Variants in FBLN1 observed in about 807,000 individuals in gnomAD.
The protein encoded by FBLN1 is fibulin 1, also known as fibulin-1.
FBLN1 carries 34 observed loss-of-function variants against 89.7 expected under a neutral mutation model. That is an observed-to-expected ratio of 0.38 (90% CI 0.29 to 0.50). FBLN1 has a LOEUF of 0.50. FBLN1 is among the 20% of genes least tolerant of loss of function. FBLN1 has a pLI of 0.92. For synonymous variants in FBLN1, 393 were observed against 391.3 expected (o/e 1.00, Z -0.05); for missense variants, 777 against 988.1 (o/e 0.79, Z 2.86).
At chr22:45,504,095 GA>G (rs2087985762) in intron 1 of FBLN1, among the ~76,000 whole-genome samples, 1 of 152,092 alleles carries the variant, frequency 6.6e-6, no homozygotes, top group African/African-American at 2.4e-5. Context: ...CTCAGAATCC[GA>G]GTCTTAATCC....
At chr22:45,559,592 A>G (rs1260702569) in intron 14 of FBLN1, among the ~76,000 whole-genome samples, 1 of 152,150 alleles carries the variant, frequency 6.6e-6, no homozygotes. Flanking sequence ...GAAAATGACC[A>G]CAGGATGAGT....
At chr22:45,534,687 C>T (rs780978108) in intron 7 of FBLN1, among the ~76,000 whole-genome samples, 4 of 152,210 alleles carry the variant, frequency 2.6e-5, no homozygotes, top group Non-Finnish European at 5.9e-5. Context: ...GGTTTGGACC[C>T]CTAGAGCCCA....
chr22:45,525,483 A>G, intron 2 of FBLN1, 60 bp from the exon 3 acceptor site: 2 of 1,521,740 alleles, frequency 1.3e-6, no homozygotes, highest in East Asian at 4.9e-5. Context: ...ACCCCCGAGG[A>G]TCTCGTGCCC....
intron 1 of FBLN1, among the ~76,000 whole-genome samples, chr22:45,508,391 A>G (rs777895732): frequency 2.7e-5 from 4 of 150,282 alleles, no homozygotes; most frequent in Non-Finnish European, 5.9e-5. Flanking sequence ...CCTCCCAAGT[A>G]GCTGGGATTA....
chr22:45,583,175 G>A lies in FBLN1; in HGVS notation c.1972+6067G>A, dbSNP rs184505727. Among the ~76,000 whole-genome samples, 2 of 152,302 alleles carry A rather than the reference G, an allele frequency of 1.3e-5. No homozygotes were observed. The highest frequency in any genetic ancestry group is 2.9e-5 in the Non-Finnish European group (2 of 68,010). On this transcript the variant is annotated intron_variant, in intron 16 of 16. Coordinates refer to ENST00000327858, the MANE Select transcript of FBLN1 (RefSeq NM_006486.3). This position sits in a 1 kb window ranked among gnomAD's most constrained non-coding sequence, Gnocchi z 4.5. ...GTCCCACAGCCAGCAAGTTGGAGCT[G>A]CACTGCCCAAGCAGGTCCTTTAGTC...
rs775855202 is a variant in FBLN1, at chr22:45,550,564, T to A, written c.1646T>A (p.Phe549Tyr). The A allele has an allele frequency of 5.0e-6, 8 of 1,614,130 alleles. No individual in the cohort carries two copies. The highest frequency in any genetic ancestry group is 6.8e-6 in the Non-Finnish European group (8 of 1,180,046). ...NETCFNIQGGFRCLAFECPEN... is the reference protein window; with the variant it reads ...NETCFNIQGGYRCLAFECPEN... ...ACCTGCTTCAACATCCAGGGCGGCT[T>A]CCGCTGCCTGGCCTTCGAGTGCCCT... The change falls in exon 14 of 17, where the codon TTC becomes TAC. Residue 549 changes from phenylalanine to tyrosine, a missense_variant. Coordinates refer to ENST00000327858, the MANE Select transcript of FBLN1 (RefSeq NM_006486.3). This position sits in a 1 kb window ranked among gnomAD's most constrained non-coding sequence, Gnocchi z 8.4.
In FBLN1 at chr22:45,539,901, G is replaced by A. The variant is rs201704805; in HGVS notation, c.923-1328G>A. On this transcript the variant is annotated intron_variant, in intron 8 of 16. Transcript: ENST00000327858. ...CAGCGCCAGTGGGAAGGCAGCCACCGCTCTGCTAAACGCTGCATTTATTCG... is the reference window on the plus strand; with the variant it reads ...CAGCGCCAGTGGGAAGGCAGCCACCACTCTGCTAAACGCTGCATTTATTCG... Among the ~76,000 whole-genome samples the A allele has an allele frequency of 4.1e-4, 62 of 152,286 alleles. 1 individual carries two copies. The East Asian group carries it at 0.01, about 26-fold the overall frequency.
chr22:45,523,910 C>G (rs757482632), intron 2 of FBLN1, among the ~76,000 whole-genome samples: 1 of 152,220 alleles, frequency 6.6e-6, no homozygotes, highest in Admixed American at 6.5e-5. Flanking sequence ...GCAATGCACA[C>G]GGGTTCCAGC....
chr22:45,506,402 C>T (rs940970154), intron 1 of FBLN1, among the ~76,000 whole-genome samples: 1 of 152,218 alleles, frequency 6.6e-6, no homozygotes, highest in Non-Finnish European at 1.5e-5. Flanking sequence ...CACTAAGGGA[C>T]AGCTCAGTGC....
chr22:45,587,017 G>A (rs760755289), intron 16 of FBLN1, among the ~76,000 whole-genome samples: 15 of 152,168 alleles, frequency 9.9e-5, no homozygotes, highest in Non-Finnish European at 1.8e-4. Context: ...ACTCCTGCGA[G>A]GCATGTGGGC....
chr22:45,542,024 T>G, intron 9 of FBLN1, 131 bp from the exon 10 acceptor site: 1 of 1,384,724 alleles, frequency 7.2e-7, no homozygotes, highest in Non-Finnish European at 1.0e-6. Context: ...AGGTGCTCTG[T>G]GAAGTCGTGT....
intron 14 of FBLN1, among the ~76,000 whole-genome samples, chr22:45,552,641 C>T (rs986265199): frequency 6.6e-6 from 1 of 152,228 alleles, no homozygotes; most frequent in Non-Finnish European, 1.5e-5. Context: ...AGAGCGCCTC[C>T]TTCGGGAGCC....
chr22:45,521,409 A>G (rs1315044611), intron 2 of FBLN1, among the ~76,000 whole-genome samples: 1 of 151,942 alleles, frequency 6.6e-6, no homozygotes, highest in East Asian at 1.9e-4. Context: ...AGGCCCATTG[A>G]CTCATCCCAG....
Position 45,543,545 on chromosome 22 carries a change from C to CCACT in FBLN1, c.1321+23_1321+26dup. 6.2e-7 allele frequency: 1 copy of CCACT among 1,611,068 alleles called. No individual in the cohort carries two copies. Reference sequence around the variant, plus strand: ...TGTGAAGGTGAGGCTGGGGCCCCGTCCACTCACCTCCCCCAGGTCACCTTC... The same window carrying CCACT: ...TGTGAAGGTGAGGCTGGGGCCCCGTCCACTCACTCACCTCCCCCAGGTCACCTTC... On this transcript the variant is annotated intron_variant, in intron 11 of 16. Transcript: ENST00000327858.
At position 45,530,657 on chromosome 22, in the gene FBLN1, G is replaced by T. The variant is rs1166363821; in HGVS notation, c.485-608G>T. Among the ~76,000 whole-genome samples the T allele has an allele frequency of 6.6e-6, 1 of 152,206 alleles. No individual in the cohort carries two copies. ...AGGGCGTGTGTTGGTTGTTAGCAAG[G>T]CTGTGACTGCATTTGCTGAGATGGT... On this transcript the variant is annotated intron_variant, in intron 4 of 16. Coordinates refer to ENST00000327858, the MANE Select transcript of FBLN1 (RefSeq NM_006486.3). The surrounding 1 kb of genome is among the most constrained non-coding windows in gnomAD (Gnocchi z 5.4).
chr22:45,588,990 A>C lies in FBLN1; in HGVS notation c.1973-11317A>C, dbSNP rs997149315. ...TTCCATCTGTGGCCAAGGCTATCAC[A>C]GTCCTCAAATTAACAGCAAACCCCG... On this transcript the variant is annotated intron_variant, in intron 16 of 16. Coordinates refer to ENST00000327858, the MANE Select transcript of FBLN1 (RefSeq NM_006486.3). The surrounding 1 kb of genome is among the most constrained non-coding windows in gnomAD (Gnocchi z 5.1). 4.0e-5 allele frequency among the ~76,000 whole-genome samples: 6 copies of C among 151,320 alleles called. No individual in the cohort carries two copies. The highest frequency in any genetic ancestry group is 3.4e-3 in the Middle Eastern group (1 of 292).
intron 14 of FBLN1, among the ~76,000 whole-genome samples, chr22:45,567,601 G>GTGAGAC (rs2088910367): frequency 6.6e-6 from 1 of 152,168 alleles, no homozygotes; most frequent in Non-Finnish European, 1.5e-5. Context: ...GGGCGATAGA[G>GTGAGAC]TGAGACTTTG....
chr22:45,513,897 G>A (rs2088134997), intron 1 of FBLN1, among the ~76,000 whole-genome samples: 2 of 151,968 alleles, frequency 1.3e-5, no homozygotes, highest in South Asian at 4.2e-4. Flanking sequence ...AGGTTCAAGC[G>A]ATTCTTCTGC....
intron 11 of FBLN1, 91 bp downstream of exon 11, chr22:45,543,617 C>T (rs577073351): frequency 6.8e-6 from 10 of 1,479,696 alleles, no homozygotes; most frequent in East Asian, 4.8e-5. Context: ...AGCAGATCCG[C>T]GATGGTTTCC....
Sources: allele counts gnomAD v4.1 joint callset (sites outside exome capture counted in the v4.1 genomes callset), GRCh38; gene constraint gnomAD v4.1.1; non-coding constraint Gnocchi (gnomAD v3.1); transcripts MANE v1.5; gene names NCBI Gene and HGNC (gene_info 2026-07-23, HGNC 2026-07-21).